Variants in SMG6 observed in about 807,000 individuals in gnomAD.
SMG6 encodes telomerase-binding protein EST1A.
In SMG6, 66 loss-of-function variants were observed where a neutral mutation model predicts 142.2. That is an observed-to-expected ratio of 0.46 (90% CI 0.38 to 0.57). SMG6 has a LOEUF of 0.57. Ranked by LOEUF, SMG6 falls within the 20% of genes least tolerant of loss-of-function variation. The pLI is 0.00. For missense variants in SMG6, 1,793 were observed against 1,832.0 expected (o/e 0.98, Z 0.39); for synonymous variants, 779 against 702.4 (o/e 1.11, Z -1.72).
At chr17:2,156,393 C>CAAAAAAAAA (rs34203812) in intron 13 of SMG6, among the ~76,000 whole-genome samples, 66 of 55,408 alleles carry the variant, frequency 1.2e-3, no homozygotes, top group Middle Eastern at 0.017. Context: ...CACTCCTTCT[C>CAAAAAAAAA]AAAAAAAAAA....
At chr17:2,281,485 T>G (rs965721994) in intron 8 of SMG6, among the ~76,000 whole-genome samples, 1 of 152,156 alleles carries the variant, frequency 6.6e-6, no homozygotes, top group South Asian at 2.1e-4. Context: ...TGGATTCTAC[T>G]GTAATAATAT....
intron 8 of SMG6, among the ~76,000 whole-genome samples, chr17:2,263,365 A>T (rs1422303981): frequency 6.6e-6 from 1 of 152,186 alleles, no homozygotes; most frequent in Non-Finnish European, 1.5e-5. Flanking sequence ...ACTCAAGTAC[A>T]AATCAGTAAA....
At chr17:2,204,337 A>G (rs975995300) in intron 10 of SMG6, among the ~76,000 whole-genome samples, 1 of 152,174 alleles carries the variant, frequency 6.6e-6, no homozygotes, top group African/African-American at 2.4e-5. Context: ...GACCAATGAT[A>G]AGGCACAATT....
chr17:2,241,086 T>C (rs2073789708), intron 9 of SMG6, among the ~76,000 whole-genome samples: 2 of 152,166 alleles, frequency 1.3e-5, no homozygotes, highest in Non-Finnish European at 2.9e-5. Flanking sequence ...AGGATACCCA[T>C]AGAGGGAGTG....
intron 3 of SMG6, 123 bp from the exon 4 acceptor site, chr17:2,297,476 G>A: frequency 1.4e-6 from 1 of 698,474 alleles, no homozygotes; most frequent in Non-Finnish European, 2.3e-6. Flanking sequence ...GAAAAGGGAG[G>A]CACGCACAAT....
At chr17:2,267,814 C>T (rs987613540) in intron 8 of SMG6, among the ~76,000 whole-genome samples, 5 of 150,214 alleles carry the variant, frequency 3.3e-5, no homozygotes, top group African/African-American at 1.2e-4. Context: ...GTGGCGCGAT[C>T]TCGGCTCACT....
intron 13 of SMG6, among the ~76,000 whole-genome samples, chr17:2,131,570 G>A (rs927552433): frequency 2.6e-5 from 4 of 152,252 alleles, no homozygotes; most frequent in African/African-American, 4.8e-5. Context: ...AATGCTGGGG[G>A]ATTCCAGGCA....
intron 5 of SMG6, 68 bp from the exon 6 acceptor site, chr17:2,292,698 C>A: frequency 6.4e-7 from 1 of 1,564,812 alleles, no homozygotes. Context: ...ATCCTGATAG[C>A]CCTAATACTT....
At chr17:2,122,709 C>T (rs944989316) in intron 13 of SMG6, among the ~76,000 whole-genome samples, 11 of 152,208 alleles carry the variant, frequency 7.2e-5, no homozygotes, top group South Asian at 2.1e-4. Context: ...GTCTGGACGT[C>T]GGCCCCATAT....
At chr17:2,216,562 T>C (rs555188383) in intron 10 of SMG6, among the ~76,000 whole-genome samples, 5 of 152,264 alleles carry the variant, frequency 3.3e-5, no homozygotes, top group African/African-American at 1.2e-4. Context: ...AAATCAACAA[T>C]CTGTTAATTT....
chr17:2,245,473 C>T (rs992950397), intron 8 of SMG6, among the ~76,000 whole-genome samples: 2 of 152,232 alleles, frequency 1.3e-5, no homozygotes, highest in African/African-American at 2.4e-5. Flanking sequence ...GCAACCTCCA[C>T]CTCCCAGTTC....
At position 2,061,554 on chromosome 17, in the gene SMG6, G is replaced by C. The variant is rs751547450; in HGVS notation, c.4198C>G (p.Leu1400Val). 3.8e-6 allele frequency: 6 copies of C among 1,573,646 alleles called. No individual in the cohort carries two copies. Among genetic ancestry groups the C allele is most frequent in the Non-Finnish European group, 5.2e-6 (6 of 1,159,166 alleles). The change falls in exon 19 of 19, where the codon CTC becomes GTC. Residue 1400 changes from leucine (L) to valine (V), a missense_variant. This residue lies in a region of SMG6 where 179 missense variants were observed against 212.6 expected (regional missense o/e 0.84). Transcript: ENST00000263073. The stretch of plus-strand genomic sequence containing the variant: ...TCCCGTACAGGAACATTCCTTGTGA[G>C]CGCCTTCACACGCAGGTTCCGGTCA... ...TDDRNLRVKA[L>V]TRNVPVRDIP...
intron 15 of SMG6, among the ~76,000 whole-genome samples, chr17:2,079,634 C>T (rs536235471): frequency 1.4e-3 from 217 of 151,590 alleles, no homozygotes; most frequent in African/African-American, 5.1e-3. Flanking sequence ...GTAAAAGAAG[C>T]ATGAGGATAA....
rs145085844 is a variant in SMG6 at position 2,074,217 on chromosome 17, C to T, written c.3682-5286G>A. 6.0e-3 allele frequency among the ~76,000 whole-genome samples: 654 copies of T among 109,424 alleles called. 6 individuals carry two copies. Among genetic ancestry groups the T allele is most frequent in the African/African-American group, 0.019 (548 of 28,304 alleles). 71.8% of individuals were successfully genotyped at this position (109,424 alleles called of 152,430 possible). On this transcript the variant is annotated intron_variant, in intron 15 of 18. Transcript: ENST00000263073. ...TCAGCCTCCTGAGTAGCTGGGACTA[C>T]AGGTGTGTGCCACCATGCCCGCGCT...
chr17:2,109,864 G>A (rs1193708292), intron 13 of SMG6, among the ~76,000 whole-genome samples: 2 of 152,036 alleles, frequency 1.3e-5, no homozygotes, highest in African/African-American at 4.8e-5. Flanking sequence ...GGCCAAGGTG[G>A]GTGGATCACC....
At chr17:2,073,133 G>C (rs753129379) in intron 15 of SMG6, among the ~76,000 whole-genome samples, 13 of 152,046 alleles carry the variant, frequency 8.6e-5, no homozygotes, top group Non-Finnish European at 1.6e-4. Context: ...GCCTATGCTG[G>C]AGTGTAGTGG....
intron 13 of SMG6, among the ~76,000 whole-genome samples, chr17:2,130,714 T>G (rs2151545821): frequency 6.6e-6 from 1 of 151,946 alleles, no homozygotes; most frequent in Middle Eastern, 3.4e-3. Context: ...GCAATTACTC[T>G]TGGTAATATT....
intron 10 of SMG6, chr17:2,229,507 A>G (rs2073411083): frequency 6.6e-6 from 1 of 152,236 alleles, no homozygotes; most frequent in Admixed American, 6.5e-5. Context: ...CTAGCTGTGC[A>G]GCCCTGCTTA....
At chr17:2,218,310 G>A (rs1358612216) in intron 10 of SMG6, among the ~76,000 whole-genome samples, 1 of 152,160 alleles carries the variant, frequency 6.6e-6, no homozygotes. Context: ...AGCACTTTGG[G>A]AGGCTGAGGT....
Sources: allele counts gnomAD v4.1 joint callset (sites outside exome capture counted in the v4.1 genomes callset), GRCh38; gene constraint gnomAD v4.1.1; regional missense constraint gnomAD v4.1.1; transcripts MANE v1.5; gene names NCBI Gene and HGNC (gene_info 2026-07-23, HGNC 2026-07-21).